Variants in MARCHF1 observed in about 807,000 individuals in gnomAD.
The protein encoded by MARCHF1 is membrane associated ring-CH-type finger 1.
MARCHF1 carries 40 observed loss-of-function variants against 54.2 expected under a neutral mutation model. That is an observed-to-expected ratio of 0.74 (90% CI 0.57 to 0.96). The LOEUF (loss-of-function observed/expected upper bound fraction) is 0.96, where lower values mean the gene tolerates loss of function less well. Among genes scored for constraint, MARCHF1 ranks in the 40% least tolerant of loss-of-function variants. The pLI is 0.00. For missense variants in MARCHF1, 586 were observed against 656.5 expected (o/e 0.89, Z 1.17); for synonymous variants, 236 against 236.3 (o/e 1.00, Z 0.01).
At chr4:164,312,647 A>G (rs1734890333) in intron 1 of MARCHF1, among the ~76,000 whole-genome samples, 2 of 151,956 alleles carry the variant, frequency 1.3e-5, no homozygotes, top group Admixed American at 1.3e-4. Context: ...ACTAATCTTA[A>G]CTATCTAAAA....
At chr4:164,030,161 T>G (rs1200040673) in intron 2 of MARCHF1, among the ~76,000 whole-genome samples, 1 of 152,006 alleles carries the variant, frequency 6.6e-6, no homozygotes, top group Non-Finnish European at 1.5e-5. Context: ...GTTCGTATAT[T>G]TAAAATTTTG....
At chr4:163,801,244 G>C (rs531691727) in intron 4 of MARCHF1, among the ~76,000 whole-genome samples, 1 of 151,762 alleles carries the variant, frequency 6.6e-6, no homozygotes, top group Admixed American at 6.6e-5. Flanking sequence ...TTTTTACCAA[G>C]AACTTATAAA....
At chr4:163,677,551 A>C (rs1743959606) in intron 5 of MARCHF1, among the ~76,000 whole-genome samples, 3 of 152,202 alleles carry the variant, frequency 2.0e-5, no homozygotes, top group Non-Finnish European at 4.4e-5. Flanking sequence ...TCTTCCCTAG[A>C]GAAGTCTTGT....
chr4:163,593,270 T>C (rs969649335), intron 7 of MARCHF1, among the ~76,000 whole-genome samples: 12 of 152,196 alleles, frequency 7.9e-5, no homozygotes, highest in African/African-American at 2.4e-4. Context: ...TTTGGGTGCA[T>C]TTGTAAGACT....
intron 2 of MARCHF1, among the ~76,000 whole-genome samples, chr4:164,009,267 A>T (rs1179040812): frequency 6.6e-6 from 1 of 152,142 alleles, no homozygotes; most frequent in Non-Finnish European, 1.5e-5. Context: ...GAAAACCTCA[A>T]AAAATCAATT....
intron 5 of MARCHF1, among the ~76,000 whole-genome samples, chr4:163,685,807 T>C (rs995808720): frequency 1.3e-5 from 2 of 152,222 alleles, no homozygotes; most frequent in African/African-American, 4.8e-5. Context: ...GTATTGGTCC[T>C]ACATAATCTG....
At chr4:164,321,102 A>G (rs1018060413) in intron 1 of MARCHF1, among the ~76,000 whole-genome samples, 3 of 152,192 alleles carry the variant, frequency 2.0e-5, no homozygotes, top group Admixed American at 2.0e-4. Context: ...TTAAAGTAAT[A>G]TAAGAGTATA....
intron 1 of MARCHF1, among the ~76,000 whole-genome samples, chr4:164,143,654 A>C (rs1384048277): frequency 6.6e-6 from 1 of 152,196 alleles, no homozygotes; most frequent in Admixed American, 6.5e-5. Context: ...GCCTGCCCTA[A>C]AAGAGCTCCT....
intron 8 of MARCHF1, among the ~76,000 whole-genome samples, chr4:163,548,400 A>G (rs935605558): frequency 6.6e-5 from 10 of 152,084 alleles, no homozygotes; most frequent in Admixed American, 1.3e-4. Flanking sequence ...CTATCTATGG[A>G]GCAATTTGAT....
chr4:164,334,947 T>C (rs1048305176), intron 1 of MARCHF1, among the ~76,000 whole-genome samples: 2 of 152,118 alleles, frequency 1.3e-5, no homozygotes, highest in African/African-American at 4.8e-5. Flanking sequence ...GTGGTAGAAA[T>C]AGAGAACTAG....
At chr4:164,242,460 C>T (rs1390514779) in intron 1 of MARCHF1, among the ~76,000 whole-genome samples, 1 of 146,102 alleles carries the variant, frequency 6.8e-6, no homozygotes, top group East Asian at 2.0e-4. Flanking sequence ...AGGACATCCA[C>T]ACCAAAAACC....
chr4:164,044,375 C>T (rs1560876921), intron 2 of MARCHF1, among the ~76,000 whole-genome samples: 2 of 152,134 alleles, frequency 1.3e-5, no homozygotes, highest in African/African-American at 4.8e-5. Flanking sequence ...CATGTCCTCA[C>T]GTGGTGGCAG....
chr4:164,346,637 T>C (rs1407552858), intron 1 of MARCHF1, among the ~76,000 whole-genome samples: 5 of 30,060 alleles, frequency 1.7e-4, no homozygotes, highest in African/African-American at 4.8e-4. Context: ...TATATATATA[T>C]ATATATATAT....
intron 5 of MARCHF1, among the ~76,000 whole-genome samples, chr4:163,683,889 G>GCTCGCTCA (rs1744185956): frequency 6.7e-6 from 1 of 148,906 alleles, no homozygotes. Context: ...TCATGTGGAG[G>GCTCGCTCA]CTCACTCACT....
At chr4:163,970,108 T>G (rs1291242895) in intron 3 of MARCHF1, among the ~76,000 whole-genome samples, 1 of 152,190 alleles carries the variant, frequency 6.6e-6, no homozygotes, top group Non-Finnish European at 1.5e-5. Flanking sequence ...CTTAGACTAC[T>G]CTCACACATG....
chr4:164,134,730 C>A (rs995872209), intron 1 of MARCHF1, among the ~76,000 whole-genome samples: 1 of 151,876 alleles, frequency 6.6e-6, no homozygotes, highest in Non-Finnish European at 1.5e-5. Context: ...TTACTTTTGT[C>A]TTTTCTCTCC....
chr4:163,721,991 C>T (rs1745484887), intron 4 of MARCHF1, among the ~76,000 whole-genome samples: 1 of 152,058 alleles, frequency 6.6e-6, no homozygotes, highest in African/African-American at 2.4e-5. Context: ...TTCCTGGATT[C>T]ATTGATTTTT....
intron 5 of MARCHF1, among the ~76,000 whole-genome samples, chr4:163,676,314 G>A (rs1408434055): frequency 6.7e-6 from 1 of 149,282 alleles, no homozygotes; most frequent in Non-Finnish European, 1.5e-5. Context: ...CCGAGGTTGC[G>A]CCATTGCACT....
At chr4:163,621,840 G>A (rs965881856) in intron 5 of MARCHF1, among the ~76,000 whole-genome samples, 2 of 152,074 alleles carry the variant, frequency 1.3e-5, no homozygotes, top group South Asian at 2.1e-4. Context: ...GTAGAGAAGG[G>A]TATGAGGAAG....
Sources: allele counts gnomAD v4.1 joint callset (sites outside exome capture counted in the v4.1 genomes callset), GRCh38; gene constraint gnomAD v4.1.1; transcripts MANE v1.5; gene names NCBI Gene and HGNC (gene_info 2026-07-23, HGNC 2026-07-21).